Variants in KIF13B observed in about 807,000 individuals in gnomAD.
KIF13B encodes kinesin-like protein KIF13B.
KIF13B carries 127 observed loss-of-function variants against 222.0 expected under a neutral mutation model. That is an observed-to-expected ratio of 0.57 (90% CI 0.50 to 0.66). KIF13B has a LOEUF of 0.66. Among genes scored for constraint, KIF13B ranks in the 30% least tolerant of loss-of-function variants. KIF13B has a pLI of 0.00. For synonymous variants in KIF13B, 976 were observed against 919.0 expected (o/e 1.06, Z -1.12); for missense variants, 2,173 against 2,379.0 (o/e 0.91, Z 1.80).
intron 2 of KIF13B, among the ~76,000 whole-genome samples, chr8:29,220,283 T>G (rs1814683291): frequency 6.6e-6 from 1 of 152,206 alleles, no homozygotes; most frequent in African/African-American, 2.4e-5. Context: ...GTCCTGATGG[T>G]ATTCCCAGTG....
chr8:29,142,169 T>C lies in KIF13B; in HGVS notation c.2322A>G (p.Glu774=). The change falls in exon 19 of 40, where the codon GAA becomes GAG. Residue 774 remains glutamate (E), a synonymous_variant. Coordinates refer to ENST00000524189, the MANE Select transcript of KIF13B (RefSeq NM_015254.4). ...TTAAATAACTTACTGGGTTATCTTC[T>C]TCACACTCTTTCCACTCCTGATAAA... ...RDLYQEWKEC[E]EDNPVIRSYF... The C allele has an allele frequency of 6.2e-7, 1 of 1,613,266 alleles. No homozygotes were observed. The highest frequency in any genetic ancestry group is 8.5e-7 in the Non-Finnish European group (1 of 1,179,428).
intron 36 of KIF13B, among the ~76,000 whole-genome samples, chr8:29,093,200 T>C (rs765621088): frequency 6.6e-6 from 1 of 152,180 alleles, no homozygotes; most frequent in Non-Finnish European, 1.5e-5. Context: ...TAGAATAAAA[T>C]GGGATTGGTT....
At chr8:29,095,844 G>C (rs1246800049) in intron 36 of KIF13B, among the ~76,000 whole-genome samples, 1 of 151,756 alleles carries the variant, frequency 6.6e-6, no homozygotes. Flanking sequence ...ATTAAAATAA[G>C]ACCTTCAGGA....
Position 29,113,495 on chromosome 8 carries a change from C to G in KIF13B, c.3898G>C (p.Val1300Leu). Residue 1300 changes from valine (V) to leucine (L), a missense_variant, in exon 32 of 40, where the codon GTG becomes CTG. This residue lies in a region of KIF13B where 1,480 missense variants were observed against 1,722.8 expected (regional missense o/e 0.86). Coordinates refer to ENST00000524189, the MANE Select transcript of KIF13B (RefSeq NM_015254.4). ...SHRSSIPGCG[V>L]TFEIVSNIPE... Reference sequence around the variant, plus strand: ...ATATTGGAGACAATTTCAAAAGTCACTCCACAGCCAGGAATAGAACTTCGA... The same window carrying G: ...ATATTGGAGACAATTTCAAAAGTCAGTCCACAGCCAGGAATAGAACTTCGA... 1 of 1,592,132 alleles carries G rather than the reference C, an allele frequency of 6.3e-7. No individual in the cohort carries two copies. The highest frequency in any genetic ancestry group is 1.1e-5 in the South Asian group (1 of 87,488).
At chr8:29,088,432 T>C (rs954592504) in intron 37 of KIF13B, among the ~76,000 whole-genome samples, 1 of 152,208 alleles carries the variant, frequency 6.6e-6, no homozygotes, top group African/African-American at 2.4e-5. Flanking sequence ...GGCTCACATA[T>C]ACAATCCTCC....
chr8:29,210,938 C>A (rs1330009673), intron 2 of KIF13B, among the ~76,000 whole-genome samples: 1 of 152,070 alleles, frequency 6.6e-6, no homozygotes, highest in East Asian at 1.9e-4. Flanking sequence ...CCAGGGCCTG[C>A]AGTTGTATGG....
At position 29,167,338 on chromosome 8, in the gene KIF13B, T is replaced by C. The variant is rs775082558; in HGVS notation, c.1158+35A>G. The C allele has an allele frequency of 2.6e-6, 4 of 1,535,342 alleles. No homozygotes were observed. In the East Asian group the frequency reaches 9.0e-5, roughly 35 times the overall value. On this transcript the variant is annotated intron_variant, in intron 11 of 39. Transcript: ENST00000524189. ...CAAGCTCTAGGCTGATTCCTCTTCC[T>C]GGACTCACAGGGCGCACGCGGTGGT...
chr8:29,166,105 T>C (rs1227025405), intron 11 of KIF13B, among the ~76,000 whole-genome samples: 1 of 152,242 alleles, frequency 6.6e-6, no homozygotes, highest in African/African-American at 2.4e-5. Flanking sequence ...CTCAGACACA[T>C]GATTCATTCT....
At chr8:29,134,324 T>C (rs942083411) in intron 21 of KIF13B, 114 bp from the exon 22 acceptor site, 28 of 947,698 alleles carry the variant, frequency 3.0e-5, no homozygotes, top group African/African-American at 4.9e-5. Context: ...GATATTTATG[T>C]TGGCCAAATC....
At chr8:29,110,156 G>T in intron 32 of KIF13B, 86 bp from the exon 33 acceptor site, 1 of 1,159,142 alleles carries the variant, frequency 8.6e-7, no homozygotes, top group Non-Finnish European at 1.2e-6. Context: ...CACACAGAAC[G>T]TATTCCAAAA....
chr8:29,252,345 T>C (rs1334234291), intron 1 of KIF13B, among the ~76,000 whole-genome samples: 2 of 152,240 alleles, frequency 1.3e-5, no homozygotes, highest in African/African-American at 4.8e-5. Context: ...GGAGACTCCC[T>C]TTACATAACT....
intron 31 of KIF13B, among the ~76,000 whole-genome samples, chr8:29,114,338 T>C (rs931256918): frequency 1.3e-5 from 2 of 152,192 alleles, no homozygotes; most frequent in African/African-American, 2.4e-5. Context: ...ACCTACCTAA[T>C]GATGATTTAT....
intron 21 of KIF13B, among the ~76,000 whole-genome samples, chr8:29,135,402 C>A (rs936212316): frequency 1.3e-5 from 2 of 152,110 alleles, no homozygotes; most frequent in Non-Finnish European, 2.9e-5. Flanking sequence ...ACAACTTCTC[C>A]AACTACGAAG....
chr8:29,200,294 A>T (rs377104655), intron 2 of KIF13B, among the ~76,000 whole-genome samples: 1 of 152,336 alleles, frequency 6.6e-6, no homozygotes. Flanking sequence ...CAATACAGCC[A>T]TGTCTCACTC....
chr8:29,233,512 C>T (rs928405386), intron 2 of KIF13B, among the ~76,000 whole-genome samples: 1 of 152,192 alleles, frequency 6.6e-6, no homozygotes, highest in Non-Finnish European at 1.5e-5. Context: ...TCTAAAATTG[C>T]GGTGAGTACC....
At chr8:29,153,680 C>CA (rs11422906) in intron 14 of KIF13B, among the ~76,000 whole-genome samples, 75,737 of 140,548 alleles carry the variant, frequency 0.54, 19,955 homozygotes, top group Non-Finnish European at 0.58. Context: ...TAACTCCTGC[C>CA]AAAAAAAAAA....
At chr8:29,185,476 G>A (rs761309121) in intron 6 of KIF13B, among the ~76,000 whole-genome samples, 5 of 152,206 alleles carry the variant, frequency 3.3e-5, no homozygotes, top group Non-Finnish European at 7.3e-5. Flanking sequence ...TGTTTGTTAA[G>A]TAAAGTTTGT....
chr8:29,164,843 C>G (rs1007271747), intron 12 of KIF13B, among the ~76,000 whole-genome samples: 22 of 151,724 alleles, frequency 1.5e-4, no homozygotes, highest in Non-Finnish European at 2.9e-4. Context: ...ATGTTCCTAC[C>G]CTAACGTGTT....
chr8:29,154,369 G>A (rs906304224), intron 14 of KIF13B, among the ~76,000 whole-genome samples: 5 of 151,826 alleles, frequency 3.3e-5, no homozygotes, highest in African/African-American at 1.2e-4. Flanking sequence ...GGGAGAGGAG[G>A]AAGTGAGGCA....
Sources: allele counts gnomAD v4.1 joint callset (sites outside exome capture counted in the v4.1 genomes callset), GRCh38; gene constraint gnomAD v4.1.1; regional missense constraint gnomAD v4.1.1; transcripts MANE v1.5; gene names NCBI Gene and HGNC (gene_info 2026-07-23, HGNC 2026-07-21).